The following EIF4EBP1 variants were observed in gnomAD, a reference collection of about 807,000 sequenced individuals.
EIF4EBP1 encodes eukaryotic translation initiation factor 4E binding protein 1, also known as eukaryotic translation initiation factor 4E-binding protein 1.
EIF4EBP1 carries 5 observed loss-of-function variants against 9.2 expected under a neutral mutation model. The observed-to-expected ratio is 0.54, with a 90% CI of 0.28 to 1.14. EIF4EBP1 has a LOEUF of 1.14. Ranked by LOEUF, EIF4EBP1 falls within the 50% of genes most tolerant of loss-of-function variation. The pLI is 0.09. For synonymous variants in EIF4EBP1, 62 were observed against 67.0 expected (o/e 0.93, Z 0.36); for missense variants, 139 against 169.6 (o/e 0.82, Z 1.00).
rs147496562 is a variant in EIF4EBP1, at chr8:38,053,623, A to G, written c.146-3458A>G. The stretch of plus-strand genomic sequence containing the variant: ...TCCCATGTTCATAGCAGCATGATTC[A>G]CAATAACTGAGAAGTGGAAGCAACC... On this transcript the variant is annotated intron_variant, in intron 1 of 2. Coordinates refer to ENST00000338825, the MANE Select transcript of EIF4EBP1 (RefSeq NM_004095.4). Among the ~76,000 whole-genome samples the G allele has an allele frequency of 6.4e-3, 982 of 152,314 alleles. 11 individuals are homozygous for G. Among genetic ancestry groups the G allele is most frequent in the African/African-American group, 0.023 (936 of 41,556 alleles).
In EIF4EBP1 at chr8:38,059,213, C is replaced by T. The variant is rs550875512; in HGVS notation, c.326-691C>T. Among the ~76,000 whole-genome samples, 14 of 152,238 alleles carry T rather than the reference C, an allele frequency of 9.2e-5. No homozygotes were observed. In the South Asian group the frequency reaches 2.3e-3, roughly 25 times the overall value. On this transcript the variant is annotated intron_variant, in intron 2 of 2. Coordinates refer to ENST00000338825, the MANE Select transcript of EIF4EBP1 (RefSeq NM_004095.4). ...AGGGCCTGGTGGGAGGTGTTTGGGT[C>T]GTGGGGACAGATCCCTCACAGCTTG...
At chr8:38,042,829 C>T (rs952309615) in intron 1 of EIF4EBP1, among the ~76,000 whole-genome samples, 1 of 152,180 alleles carries the variant, frequency 6.6e-6, no homozygotes, top group African/African-American at 2.4e-5. Context: ...TTTGGGAGGT[C>T]AAGGCGGGCA....
chr8:38,041,309 G>T (rs1220228886), intron 1 of EIF4EBP1, among the ~76,000 whole-genome samples: 1 of 151,926 alleles, frequency 6.6e-6, no homozygotes, highest in Non-Finnish European at 1.5e-5. Flanking sequence ...CACCATGTTG[G>T]CCAGGCTGGT....
chr8:38,044,177 C>A (rs1447201699), intron 1 of EIF4EBP1, among the ~76,000 whole-genome samples: 1 of 151,988 alleles, frequency 6.6e-6, no homozygotes, highest in African/African-American at 2.4e-5. Context: ...GAATTCCATC[C>A]TCGTACTCTC....
intron 1 of EIF4EBP1, 22 bp from the exon 2 acceptor site, chr8:38,057,059 C>G (rs1488555127): frequency 2.5e-6 from 4 of 1,613,772 alleles, no homozygotes; most frequent in Non-Finnish European, 3.4e-6. Context: ...ATGGCTTGAC[C>G]AACCTCCCTG....
At chr8:38,043,693 C>T (rs1196420979) in intron 1 of EIF4EBP1, among the ~76,000 whole-genome samples, 1 of 152,116 alleles carries the variant, frequency 6.6e-6, no homozygotes, top group African/African-American at 2.4e-5. Flanking sequence ...CATGCCAGGG[C>T]CTCAGAGGGA....
intron 1 of EIF4EBP1, among the ~76,000 whole-genome samples, chr8:38,034,769 A>C (rs1809275785): frequency 6.6e-6 from 1 of 152,226 alleles, no homozygotes; most frequent in South Asian, 2.1e-4. Flanking sequence ...AAGTCTTTGG[A>C]CATGAAACAG....
intron 1 of EIF4EBP1, among the ~76,000 whole-genome samples, chr8:38,056,199 C>T (rs1809592843): frequency 6.6e-6 from 1 of 151,730 alleles, no homozygotes; most frequent in Non-Finnish European, 1.5e-5. Context: ...TCTAAGTTGT[C>T]CAGGCTAGTC....
intron 1 of EIF4EBP1, among the ~76,000 whole-genome samples, chr8:38,041,767 G>C (rs1809383749): frequency 6.6e-6 from 1 of 152,200 alleles, no homozygotes; most frequent in African/African-American, 2.4e-5. Flanking sequence ...AAGGCAGGTG[G>C]ATTGCTTGAG....
chr8:38,046,111 C>T (rs1809445684), intron 1 of EIF4EBP1, among the ~76,000 whole-genome samples: 3 of 152,144 alleles, frequency 2.0e-5, no homozygotes, highest in Admixed American at 1.3e-4. Flanking sequence ...CCATGTTGGT[C>T]AGGCTGGTCT....
At chr8:38,038,977 C>T (rs1809339572) in intron 1 of EIF4EBP1, among the ~76,000 whole-genome samples, 1 of 151,162 alleles carries the variant, frequency 6.6e-6, no homozygotes, top group African/African-American at 2.4e-5. Flanking sequence ...ACTGCAACCT[C>T]TGCCTCCCAG....
chr8:38,046,683 CCAT>C (rs1218509431), intron 1 of EIF4EBP1, among the ~76,000 whole-genome samples: 3 of 152,020 alleles, frequency 2.0e-5, no homozygotes, highest in Non-Finnish European at 2.9e-5. Flanking sequence ...GTTGGCACTA[CCAT>C]CATCATCATC....
intron 1 of EIF4EBP1, among the ~76,000 whole-genome samples, chr8:38,038,225 T>G (rs943634883): frequency 6.6e-6 from 1 of 151,804 alleles, no homozygotes; most frequent in African/African-American, 2.4e-5. Flanking sequence ...AGACAGATTC[T>G]TGGCCGGACA....
intron 1 of EIF4EBP1, among the ~76,000 whole-genome samples, chr8:38,032,524 A>G (rs932857473): frequency 1.3e-5 from 2 of 152,170 alleles, no homozygotes; most frequent in South Asian, 4.1e-4. Context: ...AATATAAAAT[A>G]TAGGAACTTC....
At chr8:38,059,795 T>G (rs996490366) in intron 2 of EIF4EBP1, 109 bp from the exon 3 acceptor site, 1 of 1,062,050 alleles carries the variant, frequency 9.4e-7, no homozygotes, top group Admixed American at 2.2e-5. Context: ...ACTTATTTTC[T>G]TTATAAATTA....
chr8:38,042,626 C>T (rs1458461307), intron 1 of EIF4EBP1, among the ~76,000 whole-genome samples: 1 of 152,174 alleles, frequency 6.6e-6, no homozygotes, highest in Non-Finnish European at 1.5e-5. Context: ...TGTCTGCATC[C>T]AAATCTCTTC....
chr8:38,043,709 T>G (rs1438700294), intron 1 of EIF4EBP1, among the ~76,000 whole-genome samples: 1 of 152,118 alleles, frequency 6.6e-6, no homozygotes. Context: ...AGGGAGAGGC[T>G]GCCGATCGTC....
intron 1 of EIF4EBP1, among the ~76,000 whole-genome samples, chr8:38,054,004 G>A (rs1180146586): frequency 2.0e-5 from 3 of 152,182 alleles, no homozygotes; most frequent in Admixed American, 6.5e-5. Context: ...AAATGTTTAA[G>A]ATGGTCAATG....
At chr8:38,046,145 C>T (rs1027782865) in intron 1 of EIF4EBP1, among the ~76,000 whole-genome samples, 1 of 152,200 alleles carries the variant, frequency 6.6e-6, no homozygotes, top group African/African-American at 2.4e-5. Flanking sequence ...TCAAGTGATC[C>T]ACCTGCCTTG....
Sources: gnomAD v4.1 joint callset for allele counts (sites outside exome capture counted in the v4.1 genomes callset) on GRCh38, gnomAD v4.1.1 for gene constraint, MANE v1.5 for transcripts, NCBI Gene and HGNC (gene_info 2026-07-23, HGNC 2026-07-21) for gene names.